ZNF638: variants seen among roughly 807,000 people sequenced by gnomAD.
ZNF638 encodes CTCL tumor antigen se33-1.
Under a neutral mutation model 195.6 loss-of-function variants are expected in ZNF638, and 46 were observed. The ratio of observed to expected loss-of-function variants is 0.24; its 90% confidence interval spans 0.19 to 0.30. The LOEUF (loss-of-function observed/expected upper bound fraction) is 0.30, where lower values mean the gene tolerates loss of function less well. Ranked by LOEUF, ZNF638 falls within the 10% of genes least tolerant of loss-of-function variation. ZNF638 has a pLI of 1.00. For synonymous variants in ZNF638, 845 were observed against 772.0 expected (o/e 1.09, Z -1.57); for missense variants, 2,440 against 2,325.3 (o/e 1.05, Z -1.01).
intron 2 of ZNF638, among the ~76,000 whole-genome samples, chr2:71,351,218 C>G (rs1013414605): frequency 6.6e-6 from 1 of 152,120 alleles, no homozygotes; most frequent in Non-Finnish European, 1.5e-5. Flanking sequence ...TGTGTGTTAA[C>G]GCTCTTGTTC....
At chr2:71,397,791 A>T (rs1012124744) in intron 11 of ZNF638, among the ~76,000 whole-genome samples, 2 of 152,216 alleles carry the variant, frequency 1.3e-5, no homozygotes, top group African/African-American at 4.8e-5. Flanking sequence ...CACTTTCATG[A>T]TCACATCTTT....
chr2:71,341,172 C>T (rs908971757), intron 1 of ZNF638, among the ~76,000 whole-genome samples: 1 of 152,110 alleles, frequency 6.6e-6, no homozygotes, highest in Admixed American at 6.5e-5. Context: ...TTCATCAAGC[C>T]GTTTCATCAT....
chr2:71,410,838 G>C (rs1045035863), intron 20 of ZNF638, among the ~76,000 whole-genome samples: 1 of 152,012 alleles, frequency 6.6e-6, no homozygotes, highest in African/African-American at 2.4e-5. Context: ...CAGATCAAAG[G>C]CTTTAGGGAC....
chr2:71,429,576 C>T (rs1264186975), intron 25 of ZNF638, among the ~76,000 whole-genome samples: 1 of 152,094 alleles, frequency 6.6e-6, no homozygotes, highest in Non-Finnish European at 1.5e-5. Flanking sequence ...AAAGAAATAT[C>T]CCTTTGACCT....
At chr2:71,393,590 T>C in intron 10 of ZNF638, 1 of 718,066 alleles carries the variant, frequency 1.4e-6, no homozygotes, top group East Asian at 2.7e-5. Flanking sequence ...CAAATCCTGC[T>C]CCAGACACAG....
chr2:71,387,122 A>G (rs180904241), intron 10 of ZNF638, among the ~76,000 whole-genome samples: 2 of 152,288 alleles, frequency 1.3e-5, no homozygotes, highest in African/African-American at 4.8e-5. Context: ...AACATAGAAG[A>G]ATAGGCAGGA....
At chr2:71,350,960 G>C (rs1175586678) in intron 2 of ZNF638, among the ~76,000 whole-genome samples, 1 of 152,184 alleles carries the variant, frequency 6.6e-6, no homozygotes, top group Admixed American at 6.5e-5. Flanking sequence ...GAAGTATTTT[G>C]CAGAGGCAGT....
chr2:71,352,355 G>A (rs753684268), intron 2 of ZNF638, among the ~76,000 whole-genome samples: 1 of 151,952 alleles, frequency 6.6e-6, no homozygotes, highest in Non-Finnish European at 1.5e-5. Flanking sequence ...ATGCGCACCT[G>A]TAATTCCAGC....
intron 1 of ZNF638, among the ~76,000 whole-genome samples, chr2:71,344,335 ATAGTT>A (rs2078816220): frequency 6.6e-6 from 1 of 152,170 alleles, no homozygotes. Flanking sequence ...CAGATGTACT[ATAGTT>A]TATTTGACCA....
rs1238370754 is a variant in ZNF638, at chr2:71,349,736, C to A, written c.782C>A (p.Ser261Tyr). The A allele has an allele frequency of 6.2e-7, 1 of 1,614,178 alleles. No individual in the cohort carries two copies. The highest frequency in any genetic ancestry group is 1.1e-5 in the South Asian group (1 of 91,082). The stretch of plus-strand genomic sequence containing the variant: ...CCCAATCCAAATGTGATATGTAATT[C>A]TATGTTTCCTGTTGAAGACGTATTT... ...SVPNPNVICNSMFPVEDVFRQ... is the reference protein window; with the variant it reads ...SVPNPNVICNYMFPVEDVFRQ... The change falls in exon 2 of 28, where the codon TCT becomes TAT. Residue 261 changes from serine (S) to tyrosine (Y), a missense_variant. Physicochemically the swap from Ser to Tyr is moderately radical, Grantham distance 144. Around this residue, in one of 5 missense-constraint regions of ZNF638, gnomAD observed 305 missense variants for 283.6 expected, o/e 1.08. Coordinates refer to ENST00000264447, the MANE Select transcript of ZNF638 (RefSeq NM_014497.5).
intron 1 of ZNF638, 94 bp downstream of exon 1, chr2:71,331,969 A>G (rs1007315396): frequency 7.2e-6 from 7 of 970,202 alleles, no homozygotes; most frequent in Middle Eastern, 5.2e-4. Context: ...CGGGCCGACT[A>G]TTGTATCTGT....
chr2:71,427,320 A>G lies in ZNF638; in HGVS notation c.5451A>G (p.Lys1817=), dbSNP rs60163900. The change falls in exon 24 of 28, where the codon AAA becomes AAG. Residue 1817 remains lysine, a synonymous_variant. Coordinates refer to ENST00000264447, the MANE Select transcript of ZNF638 (RefSeq NM_014497.5). Reference sequence around the variant, plus strand: ...GAAAGAAGAGAGCTGTGGACACAAAAAAGACAAAACTTGAATCCTTGTCCC... The same window carrying G: ...GAAAGAAGAGAGCTGTGGACACAAAGAAGACAAAACTTGAATCCTTGTCCC... ...GNRKKRAVDT[K]KTKLESLSQV... The G allele has an allele frequency of 0.093, 150,107 of 1,611,054 alleles. 7,627 individuals are homozygous for G. Among genetic ancestry groups the G allele is most frequent in the East Asian group, 0.16 (7,253 of 44,834 alleles).
chr2:71,430,451 TC>T (rs1351647717), intron 25 of ZNF638, among the ~76,000 whole-genome samples: 1 of 152,174 alleles, frequency 6.6e-6, no homozygotes, highest in Non-Finnish European at 1.5e-5. Flanking sequence ...ATTTCAGAGT[TC>T]CTTGCCATCC....
chr2:71,399,281 A>G (rs1046289424), intron 12 of ZNF638, among the ~76,000 whole-genome samples: 6 of 152,176 alleles, frequency 3.9e-5, no homozygotes, highest in Admixed American at 3.9e-4. Context: ...GAAATTACAC[A>G]GTATTATTTT....
intron 15 of ZNF638, among the ~76,000 whole-genome samples, 159 bp from the exon 16 acceptor site, chr2:71,401,797 T>TC (rs2080011878): frequency 6.6e-6 from 1 of 152,234 alleles, no homozygotes; most frequent in African/African-American, 2.4e-5. Context: ...TTTTTGCTTT[T>TC]CTTTTTAATT....
intron 10 of ZNF638, chr2:71,393,769 A>G: frequency 1.6e-6 from 1 of 624,524 alleles, no homozygotes; most frequent in Non-Finnish European, 2.9e-6. Flanking sequence ...CTGGGCAGGC[A>G]CCCCCTTCCC....
chr2:71,360,018 A>G (rs2104246373), intron 3 of ZNF638, among the ~76,000 whole-genome samples: 1 of 152,346 alleles, frequency 6.6e-6, no homozygotes, highest in Admixed American at 6.5e-5. Flanking sequence ...TGTTAAGTAT[A>G]AGGATTATTC....
At chr2:71,369,484 A>G (rs2079269342) in intron 7 of ZNF638, among the ~76,000 whole-genome samples, 1 of 152,072 alleles carries the variant, frequency 6.6e-6, no homozygotes, top group African/African-American at 2.4e-5. Flanking sequence ...AATTTTTTTA[A>G]AAAGTTTGTG....
At chr2:71,410,995 T>TTC (rs2080207987) in intron 20 of ZNF638, among the ~76,000 whole-genome samples, 3 of 104,808 alleles carry the variant, frequency 2.9e-5, no homozygotes, top group Middle Eastern at 4.1e-3. Flanking sequence ...CCCCCCCCTT[T>TTC]TTTTTTTTTT....
Sources: allele counts gnomAD v4.1 joint callset (sites outside exome capture counted in the v4.1 genomes callset), GRCh38; gene constraint gnomAD v4.1.1; regional missense constraint gnomAD v4.1.1; transcripts MANE v1.5; gene names NCBI Gene and HGNC (gene_info 2026-07-23, HGNC 2026-07-21).